UBE2E2: variants seen among roughly 807,000 people sequenced by gnomAD.
The protein encoded by UBE2E2 is ubiquitin conjugating enzyme E2 E2.
UBE2E2 carries 6 observed loss-of-function variants against 24.7 expected under a neutral mutation model. That is an observed-to-expected ratio of 0.24 (90% CI 0.13 to 0.48). The LOEUF is 0.48. UBE2E2 is among the 20% of genes least tolerant of loss of function. The pLI is 0.99. For missense variants in UBE2E2, 169 were observed against 245.0 expected, an observed-to-expected ratio of 0.69 and a Z score of 2.07; for synonymous variants, 104 against 83.6, an observed-to-expected ratio of 1.24 and a Z score of -1.33.
chr3:23,341,929 A>T (rs2125310591), intron 3 of UBE2E2, among the ~76,000 whole-genome samples: 1 of 152,344 alleles, frequency 6.6e-6, no homozygotes, highest in Admixed American at 6.5e-5. Context: ...TCAAAGATTA[A>T]GTAATTATGT....
chr3:23,332,148 C>T (rs2125301954), intron 3 of UBE2E2, among the ~76,000 whole-genome samples: 1 of 152,110 alleles, frequency 6.6e-6, no homozygotes, highest in East Asian at 1.9e-4. Context: ...TTATATCTTT[C>T]CACTTTTTTT....
intron 3 of UBE2E2, among the ~76,000 whole-genome samples, chr3:23,406,789 A>G (rs898299322): frequency 6.6e-6 from 1 of 152,248 alleles, no homozygotes. Context: ...GCCCAGAGGC[A>G]TGCATATCCA....
rs138054686 is a variant in UBE2E2 at position 23,420,220 on chromosome 3, G to A, written c.228-79388G>A. Reference sequence around the variant, plus strand: ...TCTATTCATACTTGTAGCCATCATAGCATCTGACACAGTGCATTGCATATT... The same window carrying A: ...TCTATTCATACTTGTAGCCATCATAACATCTGACACAGTGCATTGCATATT... On this transcript the variant is annotated intron_variant, in intron 3 of 5. Coordinates refer to ENST00000396703, the MANE Select transcript of UBE2E2 (RefSeq NM_152653.4). Among the ~76,000 whole-genome samples, 219 of 152,226 alleles carry A rather than the reference G, an allele frequency of 1.4e-3. 4 individuals carry two copies. The East Asian group carries it at 0.035, about 24-fold the overall frequency.
chr3:23,388,755 C>T (rs1030025309), intron 3 of UBE2E2, among the ~76,000 whole-genome samples: 34 of 151,958 alleles, frequency 2.2e-4, no homozygotes, highest in African/African-American at 8.0e-4. Flanking sequence ...GCCTGTAATC[C>T]CAGTACTTTA....
intron 3 of UBE2E2, among the ~76,000 whole-genome samples, chr3:23,242,206 A>G (rs1697278305): frequency 6.6e-6 from 1 of 152,188 alleles, no homozygotes; most frequent in Non-Finnish European, 1.5e-5. Flanking sequence ...CACTGGGATT[A>G]TAGGCATGAA....
intron 3 of UBE2E2, among the ~76,000 whole-genome samples, chr3:23,465,284 G>A (rs1477671518): frequency 6.6e-6 from 1 of 152,142 alleles, no homozygotes; most frequent in Non-Finnish European, 1.5e-5. Context: ...TGAACTCAGA[G>A]CTGTGTTATT....
intron 3 of UBE2E2, among the ~76,000 whole-genome samples, chr3:23,337,317 A>G (rs1388229430): frequency 6.6e-6 from 1 of 152,138 alleles, no homozygotes; most frequent in South Asian, 2.1e-4. Context: ...CTAATTTTCG[A>G]TAATATCTTT....
At chr3:23,285,030 C>G (rs1222643873) in intron 3 of UBE2E2, among the ~76,000 whole-genome samples, 1 of 151,722 alleles carries the variant, frequency 6.6e-6, no homozygotes, top group Non-Finnish European at 1.5e-5. Context: ...ATGCCTCCCA[C>G]TACTCTCCCT....
At chr3:23,349,758 A>G (rs926737552) in intron 3 of UBE2E2, among the ~76,000 whole-genome samples, 1 of 152,222 alleles carries the variant, frequency 6.6e-6, no homozygotes, top group Non-Finnish European at 1.5e-5. Context: ...AGCCCACCAC[A>G]GCCCAAGGAG....
intron 3 of UBE2E2, among the ~76,000 whole-genome samples, chr3:23,248,235 T>C (rs1218158033): frequency 6.6e-6 from 1 of 152,258 alleles, no homozygotes; most frequent in Non-Finnish European, 1.5e-5. Flanking sequence ...AGACATCTGA[T>C]TGTTTTTGAA....
intron 5 of UBE2E2, among the ~76,000 whole-genome samples, chr3:23,568,897 G>T (rs1696155789): frequency 2.0e-5 from 3 of 151,750 alleles, no homozygotes; most frequent in Admixed American, 6.6e-5. Context: ...ATGTAAAATG[G>T]TGCATCTGCC....
intron 3 of UBE2E2, among the ~76,000 whole-genome samples, chr3:23,219,362 G>A (rs1295765682): frequency 6.6e-6 from 1 of 152,160 alleles, no homozygotes; most frequent in Non-Finnish European, 1.5e-5. Context: ...CTTATTAAGT[G>A]CATCACTGTG....
intron 3 of UBE2E2, among the ~76,000 whole-genome samples, chr3:23,317,835 G>A (rs1459160722): frequency 6.6e-6 from 1 of 151,978 alleles, no homozygotes; most frequent in African/African-American, 2.4e-5. Context: ...GAGGGGTGAT[G>A]TCTGCAATTC....
intron 4 of UBE2E2, among the ~76,000 whole-genome samples, chr3:23,520,387 T>A (rs1694836079): frequency 2.6e-5 from 4 of 152,238 alleles, no homozygotes; most frequent in Admixed American, 1.3e-4. Flanking sequence ...TTACTATTAT[T>A]TTTGGTTACA....
At position 23,477,209 on chromosome 3, in the gene UBE2E2, A is replaced by G. The variant is rs533772654; in HGVS notation, c.228-22399A>G. Among the ~76,000 whole-genome samples the G allele has an allele frequency of 4.5e-4, 69 of 152,326 alleles. 1 individual carries two copies. The highest frequency in any genetic ancestry group is 1.6e-3 in the African/African-American group (67 of 41,586). ...TAGCCAGCTGTGAATATACAACTAAATAATACTACACTTCACAGAGAAAGC... is the reference window on the plus strand; with the variant it reads ...TAGCCAGCTGTGAATATACAACTAAGTAATACTACACTTCACAGAGAAAGC... On this transcript the variant is annotated intron_variant, in intron 3 of 5. Transcript: ENST00000396703.
At chr3:23,351,755 A>G (rs1229474387) in intron 3 of UBE2E2, among the ~76,000 whole-genome samples, 3 of 152,200 alleles carry the variant, frequency 2.0e-5, no homozygotes, top group Admixed American at 2.0e-4. Flanking sequence ...TGACATACAA[A>G]GAGACTTAGA....
At chr3:23,419,308 T>C (rs1697736152) in intron 3 of UBE2E2, among the ~76,000 whole-genome samples, 1 of 152,118 alleles carries the variant, frequency 6.6e-6, no homozygotes, top group East Asian at 1.9e-4. Context: ...AATAACCCCC[T>C]AAGCTTTGCT....
chr3:23,449,216 G>C (rs1052752198), intron 3 of UBE2E2, among the ~76,000 whole-genome samples: 2 of 152,182 alleles, frequency 1.3e-5, no homozygotes, highest in Non-Finnish European at 2.9e-5. Flanking sequence ...TTTTGTAGAA[G>C]TGAAAACATT....
chr3:23,534,511 G>C (rs930970328), intron 5 of UBE2E2, among the ~76,000 whole-genome samples: 2 of 152,138 alleles, frequency 1.3e-5, no homozygotes, highest in Non-Finnish European at 2.9e-5. Context: ...CCTCATATGA[G>C]ACTAGAAGAG....
Sources: gnomAD v4.1 joint callset for allele counts (sites outside exome capture counted in the v4.1 genomes callset) on GRCh38, gnomAD v4.1.1 for gene constraint, MANE v1.5 for transcripts, NCBI Gene and HGNC (gene_info 2026-07-23, HGNC 2026-07-21) for gene names.